Variants in NRXN3 observed in about 807,000 individuals in gnomAD.
NRXN3 encodes neurexin III.
NRXN3 carries 32 observed loss-of-function variants against 137.6 expected under a neutral mutation model. The ratio of observed to expected loss-of-function variants is 0.23; its 90% CI spans 0.18 to 0.31. The LOEUF is 0.31. NRXN3 is among the 10% of genes least tolerant of loss of function. The pLI, the probability that NRXN3 is intolerant of heterozygous loss-of-function variation, is 1.00. For missense variants in NRXN3, 1,574 were observed against 2,062.5 expected (o/e 0.76, Z 4.59); for synonymous variants, 798 against 784.5 (o/e 1.02, Z -0.29).
intron 15 of NRXN3, among the ~76,000 whole-genome samples, chr14:79,274,123 G>T (rs2079883419): frequency 6.7e-6 from 1 of 148,726 alleles, no homozygotes; most frequent in Admixed American, 6.7e-5. Context: ...AAAAAAAGAG[G>T]CTAAGATCTT....
chr14:78,453,488 C>T (rs755065671), intron 4 of NRXN3, among the ~76,000 whole-genome samples: 56 of 152,182 alleles, frequency 3.7e-4, no homozygotes, highest in Non-Finnish European at 5.9e-4. Context: ...TAAGTTAGAA[C>T]AGGGAGCTCT....
intron 8 of NRXN3, among the ~76,000 whole-genome samples, chr14:78,727,419 G>A (rs2098490864): frequency 6.6e-6 from 1 of 152,196 alleles, no homozygotes; most frequent in African/African-American, 2.4e-5. Context: ...TGGTGGTGGG[G>A]TGAGTGCTTT....
At chr14:78,570,478 A>G (rs2096879204) in intron 4 of NRXN3, among the ~76,000 whole-genome samples, 1 of 152,194 alleles carries the variant, frequency 6.6e-6, no homozygotes. Context: ...CATGCTTTTC[A>G]GGTTCAGCTT....
intron 15 of NRXN3, among the ~76,000 whole-genome samples, chr14:79,235,348 C>T (rs1395823856): frequency 6.6e-6 from 1 of 152,140 alleles, no homozygotes; most frequent in African/African-American, 2.4e-5. Context: ...TTTGGGCCAA[C>T]AAGTAACCTC....
chr14:78,187,229 G>A (rs2049818), intron 1 of NRXN3, among the ~76,000 whole-genome samples: 24,781 of 151,272 alleles, frequency 0.16, 2,597 homozygotes, highest in Middle Eastern at 0.25. Flanking sequence ...AGTATGTGAG[G>A]TGTAAATCTG....
chr14:79,552,595 AG>A (rs2097384316), intron 16 of NRXN3, among the ~76,000 whole-genome samples: 1 of 152,168 alleles, frequency 6.6e-6, no homozygotes, highest in African/African-American at 2.4e-5. Flanking sequence ...AGATAGTTGA[AG>A]GTTAAATACC....
At chr14:79,244,544 A>C (rs2074868302) in intron 15 of NRXN3, among the ~76,000 whole-genome samples, 1 of 152,102 alleles carries the variant, frequency 6.6e-6, no homozygotes, top group Admixed American at 6.6e-5. Flanking sequence ...CCTGTCAGGA[A>C]ATTTCCCATG....
At chr14:79,120,610 A>G (rs1453518597) in intron 15 of NRXN3, among the ~76,000 whole-genome samples, 2 of 152,072 alleles carry the variant, frequency 1.3e-5, no homozygotes, top group Non-Finnish European at 2.9e-5. Context: ...TATGCCCCTA[A>G]ACAAAAGCCT....
At chr14:78,413,202 G>A (rs961510237) in intron 4 of NRXN3, among the ~76,000 whole-genome samples, 1 of 152,182 alleles carries the variant, frequency 6.6e-6, no homozygotes, top group African/African-American at 2.4e-5. Context: ...GTATAGCTGA[G>A]GTCTAGCTCA....
At chr14:78,757,088 G>T (rs117745062) in intron 8 of NRXN3, among the ~76,000 whole-genome samples, 2,910 of 152,164 alleles carry the variant, frequency 0.019, 46 homozygotes, top group Middle Eastern at 0.054. Flanking sequence ...AAGACTGATG[G>T]TTCAGATTTT....
At chr14:78,273,598 A>G (rs1240709467) in intron 2 of NRXN3, among the ~76,000 whole-genome samples, 1 of 152,200 alleles carries the variant, frequency 6.6e-6, no homozygotes, top group African/African-American at 2.4e-5. Flanking sequence ...TGCTCCTGTT[A>G]GACCAGCTGG....
chr14:78,236,415 T>C (rs753048509), intron 1 of NRXN3, among the ~76,000 whole-genome samples: 5 of 152,210 alleles, frequency 3.3e-5, no homozygotes, highest in African/African-American at 4.8e-5. Context: ...TGAAGAGCAA[T>C]CATTCTCAAA....
At chr14:78,194,311 A>C (rs1049366727) in intron 1 of NRXN3, among the ~76,000 whole-genome samples, 3 of 147,890 alleles carry the variant, frequency 2.0e-5, no homozygotes, top group Non-Finnish European at 4.5e-5. Flanking sequence ...ATGTCTGCCC[A>C]GGAGAGTTGG....
At chr14:78,909,089 G>C (rs1283354612) in intron 10 of NRXN3, among the ~76,000 whole-genome samples, 1 of 152,128 alleles carries the variant, frequency 6.6e-6, no homozygotes, top group African/African-American at 2.4e-5. Context: ...ACACTTTCTA[G>C]TTGATGGGTG....
At chr14:78,297,357 T>C (rs1057227102) in intron 3 of NRXN3, among the ~76,000 whole-genome samples, 6 of 152,178 alleles carry the variant, frequency 3.9e-5, no homozygotes, top group African/African-American at 1.4e-4. Flanking sequence ...GGGATTGCCA[T>C]TGATATTTTT....
chr14:79,559,295 C>T (rs2097464094), intron 16 of NRXN3, among the ~76,000 whole-genome samples: 1 of 151,908 alleles, frequency 6.6e-6, no homozygotes. Context: ...CAAGCTTACT[C>T]ACTTCTAGCT....
At chr14:79,504,424 A>C (rs2096853240) in intron 16 of NRXN3, among the ~76,000 whole-genome samples, 1 of 151,710 alleles carries the variant, frequency 6.6e-6, no homozygotes, top group African/African-American at 2.4e-5. Flanking sequence ...TCAGAATTTT[A>C]TCTATTGCAA....
intron 19 of NRXN3, among the ~76,000 whole-genome samples, chr14:79,744,287 C>T (rs1377968666): frequency 6.6e-6 from 1 of 152,122 alleles, no homozygotes; most frequent in Middle Eastern, 3.2e-3. Context: ...AAATATGGGT[C>T]ACAAAAGTTC....
At chr14:79,234,659 G>A (rs2073063935) in intron 15 of NRXN3, among the ~76,000 whole-genome samples, 1 of 151,768 alleles carries the variant, frequency 6.6e-6, no homozygotes, top group Non-Finnish European at 1.5e-5. Flanking sequence ...TGGGATTATA[G>A]GTGTAAGCCA....
Sources: gnomAD v4.1 joint callset for allele counts (sites outside exome capture counted in the v4.1 genomes callset) on GRCh38, gnomAD v4.1.1 for gene constraint, MANE v1.5 for transcripts, NCBI Gene and HGNC (gene_info 2026-07-23, HGNC 2026-07-21) for gene names.